The following CSMD1 variants were observed in gnomAD, a reference collection of about 807,000 sequenced individuals.
CSMD1 encodes the protein CUB and sushi domain-containing protein 1.
Under a neutral mutation model 417.5 loss-of-function variants are expected in CSMD1, and 213 were observed. The ratio of observed to expected loss-of-function variants is 0.51; its 90% CI spans 0.46 to 0.57. The LOEUF (loss-of-function observed/expected upper bound fraction) is 0.57. Among genes scored for constraint, CSMD1 ranks in the 20% least tolerant of loss-of-function variants. CSMD1 has a pLI of 0.00. For missense variants in CSMD1, 6,923 were observed against 4,529.7 expected, an observed-to-expected ratio of 1.53 and a Z score of -15.17; for synonymous variants, 2,862 against 1,736.8, an observed-to-expected ratio of 1.65 and a Z score of -16.11.
chr8:4,381,937 G>C (rs57643290), intron 3 of CSMD1, among the ~76,000 whole-genome samples: 12,795 of 152,014 alleles, frequency 0.084, 699 homozygotes, highest in South Asian at 0.2. Flanking sequence ...ACAAATTTAA[G>C]TATGTGTAGA....
chr8:4,009,872 C>T (rs953976055), intron 4 of CSMD1, among the ~76,000 whole-genome samples: 4 of 152,026 alleles, frequency 2.6e-5, no homozygotes, highest in East Asian at 1.9e-4. Context: ...AGGGTACTCT[C>T]GTACATCCTT....
At chr8:4,936,270 T>A (rs1807613582) in intron 1 of CSMD1, among the ~76,000 whole-genome samples, 1 of 152,346 alleles carries the variant, frequency 6.6e-6, no homozygotes, top group Non-Finnish European at 1.5e-5. Flanking sequence ...AGATGTTTTA[T>A]CTTTGAAATT....
At chr8:3,886,758 G>C (rs907043671) in intron 5 of CSMD1, among the ~76,000 whole-genome samples, 1 of 152,156 alleles carries the variant, frequency 6.6e-6, no homozygotes. Context: ...TTCTCTGCAG[G>C]ACACAGACTT....
At chr8:3,628,986 A>C (rs538095838) in intron 7 of CSMD1, among the ~76,000 whole-genome samples, 1 of 152,202 alleles carries the variant, frequency 6.6e-6, no homozygotes, top group African/African-American at 2.4e-5. Context: ...AGGAGGATAG[A>C]GAAAAGGGAA....
intron 4 of CSMD1, among the ~76,000 whole-genome samples, chr8:4,023,261 C>T (rs908427422): frequency 1.3e-5 from 2 of 152,208 alleles, no homozygotes; most frequent in South Asian, 4.1e-4. Flanking sequence ...CGCATAAAAA[C>T]ATCTGAACCA....
chr8:3,335,284 C>A (rs533441205), intron 23 of CSMD1, among the ~76,000 whole-genome samples: 1 of 152,152 alleles, frequency 6.6e-6, no homozygotes, highest in Admixed American at 6.5e-5. Flanking sequence ...CTGTGATGAC[C>A]GTGCCATGAA....
At chr8:3,702,892 T>G (rs937260251) in intron 7 of CSMD1, among the ~76,000 whole-genome samples, 1 of 152,174 alleles carries the variant, frequency 6.6e-6, no homozygotes, top group African/African-American at 2.4e-5. Flanking sequence ...TAATCTACTT[T>G]CAGAATAAAG....
intron 1 of CSMD1, among the ~76,000 whole-genome samples, chr8:4,953,548 T>A (rs1169595280): frequency 6.6e-6 from 1 of 152,176 alleles, no homozygotes; most frequent in Non-Finnish European, 1.5e-5. Flanking sequence ...TAAACCTTTA[T>A]CTCAATTTGT....
At chr8:4,815,426 T>C (rs903299973) in intron 1 of CSMD1, among the ~76,000 whole-genome samples, 4 of 152,070 alleles carry the variant, frequency 2.6e-5, no homozygotes, top group African/African-American at 9.7e-5. Flanking sequence ...CCGGGCTTAT[T>C]GGCTCAAGCC....
rs73661537 is a variant in CSMD1 at position 4,562,961 on chromosome 8, G to C, written c.302+74381C>G. Among the ~76,000 whole-genome samples, 113 of 152,210 alleles carry C rather than the reference G, an allele frequency of 7.4e-4. 1 individual carries two copies. Among genetic ancestry groups the C allele is most frequent in the African/African-American group, 2.6e-3 (107 of 41,528 alleles). ...ACTTTCTTAAACAGAAGTTGTCACA[G>C]GTAAGCAAAATCTATCCTGTAGGTA... On this transcript the variant is annotated intron_variant, in intron 2 of 69. Transcript: ENST00000635120.
At chr8:4,206,289 C>G (rs1441978596) in intron 3 of CSMD1, among the ~76,000 whole-genome samples, 1 of 152,176 alleles carries the variant, frequency 6.6e-6, no homozygotes, top group African/African-American at 2.4e-5. Context: ...TGGTGTGCTG[C>G]ACCCATTAAC....
chr8:4,028,387 G>C (rs535936575), intron 4 of CSMD1, among the ~76,000 whole-genome samples: 111 of 152,104 alleles, frequency 7.3e-4, no homozygotes, highest in Non-Finnish European at 1.3e-3. Flanking sequence ...TACAGTAAGT[G>C]GACAATACAT....
chr8:4,461,472 A>T (rs1302594300), intron 2 of CSMD1, among the ~76,000 whole-genome samples: 1 of 151,222 alleles, frequency 6.6e-6, no homozygotes, highest in Admixed American at 6.6e-5. Flanking sequence ...ATCCATTAAA[A>T]ACTATTAGAA....
intron 11 of CSMD1, among the ~76,000 whole-genome samples, chr8:3,485,314 A>C (rs1817961996): frequency 6.6e-6 from 1 of 152,130 alleles, no homozygotes; most frequent in African/African-American, 2.4e-5. Context: ...ACGTGCTTCT[A>C]ATTATATAAC....
At chr8:3,451,430 A>G (rs1239290209) in intron 12 of CSMD1, among the ~76,000 whole-genome samples, 1 of 152,164 alleles carries the variant, frequency 6.6e-6, no homozygotes, top group African/African-American at 2.4e-5. Flanking sequence ...GTGTTCTTCT[A>G]GGGTTTTTAT....
At chr8:3,749,344 T>A (rs1797209217) in intron 6 of CSMD1, among the ~76,000 whole-genome samples, 2 of 152,240 alleles carry the variant, frequency 1.3e-5, no homozygotes, top group South Asian at 4.1e-4. Context: ...CTACTACTTT[T>A]GTTCACAATG....
At chr8:4,400,005 C>A (rs562120381) in intron 3 of CSMD1, among the ~76,000 whole-genome samples, 3 of 152,170 alleles carry the variant, frequency 2.0e-5, no homozygotes, top group African/African-American at 7.2e-5. Flanking sequence ...CAAGTGAATT[C>A]CCACACCATC....
chr8:3,934,643 C>T (rs2948643), intron 5 of CSMD1, among the ~76,000 whole-genome samples: 3,754 of 152,150 alleles, frequency 0.025, 61 homozygotes, highest in Middle Eastern at 0.044. Flanking sequence ...CACCTCAGGT[C>T]AGGAGTTCGA....
intron 10 of CSMD1, among the ~76,000 whole-genome samples, chr8:3,554,892 C>CA (rs1184995338): frequency 4.6e-5 from 7 of 152,102 alleles, no homozygotes; most frequent in Non-Finnish European, 7.3e-5. Flanking sequence ...GAGAGTGTCA[C>CA]TGAAACTCAA....
Sources: allele counts gnomAD v4.1 joint callset (sites outside exome capture counted in the v4.1 genomes callset), GRCh38; gene constraint gnomAD v4.1.1; transcripts MANE v1.5; gene names NCBI Gene and HGNC (gene_info 2026-07-23, HGNC 2026-07-21).